Variants in PASD1 observed in about 807,000 individuals in gnomAD.
PASD1 encodes the protein circadian clock protein PASD1.
A neutral mutation model predicts 58.8 loss-of-function variants in PASD1; 13 were observed. The ratio of observed to expected loss-of-function variants is 0.22; its 90% CI spans 0.14 to 0.35. PASD1 has a LOEUF of 0.35. PASD1 is among the 10% of genes least tolerant of loss of function. The probability of loss-of-function intolerance (pLI) is 1.00; values close to 1 mark genes in which losing one functional copy is unlikely to be tolerated. For missense variants in PASD1, 734 were observed against 568.3 expected, an observed-to-expected ratio of 1.29 and a Z score of -2.96; for synonymous variants, 236 against 216.7, an observed-to-expected ratio of 1.09 and a Z score of -0.78.
chrX:151,578,937 A>G (rs1219210999), intron 1 of PASD1, among the ~76,000 whole-genome samples: 1 of 112,015 alleles, frequency 8.9e-6, no homozygotes, highest in Non-Finnish European at 1.9e-5. Flanking sequence ...TTCTTTTTTC[A>G]GGATCATCTG....
At chrX:151,577,523 G>A (rs143991011) in intron 1 of PASD1, among the ~76,000 whole-genome samples, 1,575 of 111,462 alleles carry the variant, frequency 0.014, 13 homozygotes, top group Middle Eastern at 0.027. Context: ...TTAGGTGAGA[G>A]TCTTTATTTA....
At chrX:151,594,096 C>A (rs181904189) in intron 1 of PASD1, among the ~76,000 whole-genome samples, 1 of 110,635 alleles carries the variant, frequency 9.0e-6, no homozygotes, top group African/African-American at 3.3e-5. Context: ...GCCTCAGCCT[C>A]CTGAGCAGCT....
chrX:151,631,900 GT>G (rs1364080954), intron 8 of PASD1, among the ~76,000 whole-genome samples: 11 of 112,013 alleles, frequency 9.8e-5, no homozygotes. Context: ...CATTGTAAAT[GT>G]GGCTAGCATG....
At chrX:151,621,652 C>T (rs938691144) in intron 6 of PASD1, 60 bp downstream of exon 6, 2 of 805,736 alleles carry the variant, frequency 2.5e-6, no homozygotes, top group South Asian at 2.8e-5. Context: ...CCTCACATTA[C>T]TAACATAAAT....
At chrX:151,610,940 T>G (rs1011058409) in intron 3 of PASD1, among the ~76,000 whole-genome samples, 2 of 51,056 alleles carry the variant, frequency 3.9e-5, no homozygotes, top group African/African-American at 1.6e-4. Context: ...AGTGTCTCCC[T>G]TTTGGAGACC....
chrX:151,608,313 G>T (rs2013512206), intron 3 of PASD1, among the ~76,000 whole-genome samples: 1 of 111,718 alleles, frequency 9.0e-6, no homozygotes, highest in Admixed American at 9.5e-5. Context: ...CACCAATTTT[G>T]AGGCCACTTG....
rs184108713 is a variant in PASD1 at position 151,651,634 on chromosome X, A to G, written c.717+2932A>G. ...ATGGTAGGCATTTAGTCATTTATTC[A>G]TTCAACAGATACTTATTTAAGATTC... is the stretch of plus-strand genomic sequence containing the variant. On this transcript the variant is annotated intron_variant, in intron 9 of 15. Coordinates refer to ENST00000370357, the MANE Select transcript of PASD1 (RefSeq NM_173493.3). 3.6e-3 allele frequency among the ~76,000 whole-genome samples: 407 copies of G among 112,489 alleles called. 3 individuals carry two copies. The highest frequency in any genetic ancestry group is 4.3e-3 in the Non-Finnish European group (231 of 53,320).
chrX:151,672,445 T>G lies in PASD1; in HGVS notation c.1700T>G (p.Leu567Arg). ...EPEEEQQKQQ[L>R]QEQPLKHNVI... ...GAGGAGGAGCAGCAGAAGCAGCAGCTGCAAGAGCAGCCACTGAAGCATAAT... is the reference window on the plus strand; with the variant it reads ...GAGGAGGAGCAGCAGAAGCAGCAGCGGCAAGAGCAGCCACTGAAGCATAAT... The change falls in exon 14 of 16, where the codon CTG becomes CGG. Residue 567 changes from leucine (L) to arginine (R), a missense_variant. Leu to Arg is a moderately radical substitution (Grantham distance 102, BLOSUM62 -2). Transcript: ENST00000370357. 8.3e-7 allele frequency: 1 copy of G among 1,211,704 alleles called. No individual in the cohort carries two copies. The highest frequency in any genetic ancestry group is 1.1e-6 in the Non-Finnish European group (1 of 895,519).
chrX:151,628,801 T>C (rs1394887177), intron 8 of PASD1, among the ~76,000 whole-genome samples: 1 of 112,004 alleles, frequency 8.9e-6, no homozygotes, highest in African/African-American at 3.2e-5. Context: ...ATTTTCACAA[T>C]ATTGATTATT....
chrX:151,665,716 T>G (rs1390734112), intron 11 of PASD1, among the ~76,000 whole-genome samples: 1 of 111,112 alleles, frequency 9.0e-6, no homozygotes, highest in Non-Finnish European at 1.9e-5. Context: ...TCCTCTCTCC[T>G]TCGATGGAGT....
chrX:151,572,695 GA>G (rs757029933), intron 1 of PASD1, among the ~76,000 whole-genome samples: 1 of 110,422 alleles, frequency 9.1e-6, no homozygotes, highest in African/African-American at 3.3e-5. Context: ...TGGAGACAGA[GA>G]AAAACTTACC....
At chrX:151,674,656 T>A (rs187360411) in intron 15 of PASD1, among the ~76,000 whole-genome samples, 7 of 112,765 alleles carry the variant, frequency 6.2e-5, no homozygotes, top group African/African-American at 2.3e-4. Flanking sequence ...AGGGCAGGCC[T>A]ACCTTGTGGA....
intron 1 of PASD1, among the ~76,000 whole-genome samples, chrX:151,568,815 C>T (rs1251400057): frequency 1.8e-5 from 2 of 111,530 alleles, no homozygotes; most frequent in African/African-American, 6.5e-5. Context: ...GACATTTCAC[C>T]GAATATATGG....
intron 10 of PASD1, among the ~76,000 whole-genome samples, chrX:151,660,324 A>G (rs2124307835): frequency 8.9e-6 from 1 of 112,454 alleles, no homozygotes; most frequent in South Asian, 3.7e-4. Context: ...GCATAATACA[A>G]ATTATATCTC....
chrX:151,597,885 C>T (rs2013342536), intron 1 of PASD1, among the ~76,000 whole-genome samples: 1 of 111,033 alleles, frequency 9.0e-6, no homozygotes, highest in African/African-American at 3.3e-5. Context: ...TGCCTGCCAC[C>T]ACGCCCAGCT....
intron 6 of PASD1, among the ~76,000 whole-genome samples, chrX:151,622,396 C>T (rs1463138409): frequency 1.8e-5 from 2 of 110,333 alleles, no homozygotes; most frequent in Admixed American, 1.9e-4. Context: ...GACATTAGCA[C>T]TCTACACCCA....
intron 8 of PASD1, among the ~76,000 whole-genome samples, chrX:151,638,092 T>C (rs192935270): frequency 5.5e-4 from 61 of 111,922 alleles, no homozygotes; most frequent in Non-Finnish European, 7.9e-4. Flanking sequence ...TTGTCACTTA[T>C]TGCTGTATTA....
chrX:151,591,014 A>G (rs2013239260), intron 1 of PASD1, among the ~76,000 whole-genome samples: 1 of 112,168 alleles, frequency 8.9e-6, no homozygotes, highest in Non-Finnish European at 1.9e-5. Context: ...AACATTAGCA[A>G]CAGGAGCCCA....
intron 1 of PASD1, among the ~76,000 whole-genome samples, chrX:151,584,178 G>GAA (rs1325821581): frequency 1.8e-5 from 2 of 111,462 alleles, no homozygotes; most frequent in Non-Finnish European, 3.8e-5. Context: ...ACAGATTGAA[G>GAA]AAATCAATCA....
Sources: gnomAD v4.1 joint callset for allele counts (sites outside exome capture counted in the v4.1 genomes callset) on GRCh38, gnomAD v4.1.1 for gene constraint, MANE v1.5 for transcripts, NCBI Gene and HGNC (gene_info 2026-07-23, HGNC 2026-07-21) for gene names.